Variants in STK3 observed in about 807,000 individuals in gnomAD.
STK3 encodes serine/threonine-protein kinase 3.
STK3 carries 41 observed loss-of-function variants against 58.0 expected under a neutral mutation model. The ratio of observed to expected loss-of-function variants is 0.71; its 90% CI spans 0.55 to 0.92. The LOEUF (loss-of-function observed/expected upper bound fraction) is 0.92. STK3 is among the 40% of genes least tolerant of loss of function. The pLI, the probability that STK3 is intolerant of heterozygous loss-of-function variation, is 0.00. For missense variants in STK3, 479 were observed against 602.7 expected, an observed-to-expected ratio of 0.79 and a Z score of 2.15; for synonymous variants, 170 against 191.0, an observed-to-expected ratio of 0.89 and a Z score of 0.91.
chr8:98,828,867 C>T (rs1472087298), upstream of STK3, among the ~76,000 whole-genome samples: 1 of 152,216 alleles, frequency 6.6e-6, no homozygotes, highest in Non-Finnish European at 1.5e-5. Context: ...GTCATCCCAA[C>T]CCAACTATGA....
rs1290368135 is a variant in STK3, at chr8:98,378,570, A to G, written n.111+583T>C. 1.1e-4 allele frequency among the ~76,000 whole-genome samples: 17 copies of G among 152,328 alleles called. No individual in the cohort carries two copies. In the East Asian group the frequency reaches 2.9e-3, roughly 26 times the overall value. ...GTATTTGGATTGTGAGTATATGAGG[A>G]ATGTGTGCAAAGCACTTAACATACT... On this transcript the variant is annotated intron_variant and non_coding_transcript_variant, in intron 2 of 2. Transcript: ENST00000518704.
intron 6 of STK3, among the ~76,000 whole-genome samples, chr8:98,602,674 C>T (rs1205266105): frequency 6.6e-6 from 1 of 152,146 alleles, no homozygotes; most frequent in Non-Finnish European, 1.5e-5. Flanking sequence ...ACTGAACATA[C>T]TGATTTACTT....
chr8:98,770,596 A>G (rs1831248041), intron 2 of STK3, among the ~76,000 whole-genome samples: 1 of 152,202 alleles, frequency 6.6e-6, no homozygotes, highest in Non-Finnish European at 1.5e-5. Context: ...CAAAGGAAGC[A>G]TATCAAAGGC....
intron 3 of STK3, among the ~76,000 whole-genome samples, chr8:98,856,968 C>T (rs754585668): frequency 6.6e-6 from 1 of 152,122 alleles, no homozygotes; most frequent in Non-Finnish European, 1.5e-5. Context: ...AGACTACATA[C>T]CATAGGATTC....
chr8:98,941,203 G>C (rs1217595641), intron 1 of STK3, among the ~76,000 whole-genome samples: 2 of 152,232 alleles, frequency 1.3e-5, no homozygotes, highest in Non-Finnish European at 2.9e-5. Flanking sequence ...CTGAGAGCAC[G>C]GGCGCTGACG....
chr8:98,693,271 G>A (rs1824551126), intron 6 of STK3, among the ~76,000 whole-genome samples: 1 of 152,076 alleles, frequency 6.6e-6, no homozygotes, highest in Non-Finnish European at 1.5e-5. Flanking sequence ...GGTAGCTTGT[G>A]CCTGTAGTCC....
intron 1 of STK3, among the ~76,000 whole-genome samples, chr8:98,798,363 A>G (rs756953275): frequency 1.4e-4 from 21 of 152,188 alleles, no homozygotes; most frequent in Non-Finnish European, 2.8e-4. Context: ...ACACAATATA[A>G]TGTACAGAGT....
intron 3 of STK3, chr8:98,432,264 A>T (rs1242956733): frequency 6.0e-6 from 1 of 167,030 alleles, no homozygotes; most frequent in Non-Finnish European, 1.5e-5. Flanking sequence ...AGGGGGACAG[A>T]GTAGAAACTG....
At chr8:98,408,157 TC>T (rs1447968019) in intron 3 of STK3, among the ~76,000 whole-genome samples, 2 of 152,090 alleles carry the variant, frequency 1.3e-5, no homozygotes, top group Non-Finnish European at 2.9e-5. Context: ...TTTAAGAACC[TC>T]AATTGGCCAT....
At chr8:98,457,697 T>C (rs1334833171) in intron 10 of STK3, among the ~76,000 whole-genome samples, 1 of 152,138 alleles carries the variant, frequency 6.6e-6, no homozygotes, top group Non-Finnish European at 1.5e-5. Flanking sequence ...TAAACGTAGA[T>C]AGATAAATAT....
chr8:98,481,548 G>A (rs1454496767), intron 10 of STK3, among the ~76,000 whole-genome samples: 1 of 152,082 alleles, frequency 6.6e-6, no homozygotes, highest in African/African-American at 2.4e-5. Flanking sequence ...CTACGGATAT[G>A]CAAAGGCATG....
intron 3 of STK3, among the ~76,000 whole-genome samples, chr8:98,861,702 C>A (rs1045491096): frequency 1.3e-5 from 2 of 152,126 alleles, no homozygotes; most frequent in Non-Finnish European, 2.9e-5. Context: ...AGAATGGCAG[C>A]ACCTTGGTAT....
intron 7 of STK3, among the ~76,000 whole-genome samples, chr8:98,588,868 C>T (rs939221115): frequency 2.0e-5 from 3 of 151,322 alleles, no homozygotes; most frequent in African/African-American, 7.3e-5. Context: ...TTGCTGATAC[C>T]CTTTCTTCCA....
chr8:98,400,817 C>T (rs1373593108), downstream of STK3, among the ~76,000 whole-genome samples: 2 of 152,076 alleles, frequency 1.3e-5, no homozygotes, highest in Non-Finnish European at 2.9e-5. Flanking sequence ...GATTGTAACT[C>T]AGATATCAGC....
At chr8:98,898,753 G>T (rs1357276560) in intron 1 of STK3, among the ~76,000 whole-genome samples, 1 of 152,132 alleles carries the variant, frequency 6.6e-6, no homozygotes, top group African/African-American at 2.4e-5. Flanking sequence ...GACTTTTTGG[G>T]ATCCAGAGAT....
rs1187068193 is a variant in STK3, at chr8:98,703,352, C to T, written c.684+3115G>A. Reference sequence around the variant, plus strand: ...ATAATCTTATCCATTTCATCCAATCCACCCAATGGAGGATAAAATATTTAT... The same window carrying T: ...ATAATCTTATCCATTTCATCCAATCTACCCAATGGAGGATAAAATATTTAT... On this transcript the variant is annotated intron_variant, in intron 6 of 10. Transcript: ENST00000419617. 1.3e-5 allele frequency among the ~76,000 whole-genome samples: 2 copies of T among 152,046 alleles called. 1 individual carries two copies. Among genetic ancestry groups the T allele is most frequent in the Non-Finnish European group, 2.9e-5 (2 of 68,020 alleles).
At chr8:98,578,059 A>G (rs910153200) in intron 8 of STK3, among the ~76,000 whole-genome samples, 23 of 152,224 alleles carry the variant, frequency 1.5e-4, no homozygotes, top group African/African-American at 5.1e-4. Context: ...CAAAATTACT[A>G]TAACAAAGTC....
At chr8:98,685,794 G>T (rs547959668) in intron 6 of STK3, among the ~76,000 whole-genome samples, 113 of 152,038 alleles carry the variant, frequency 7.4e-4, no homozygotes, top group Middle Eastern at 6.8e-3. Context: ...AAGGTAGAGA[G>T]GGGGGTGAGG....
chr8:98,638,812 G>T (rs533097241), intron 6 of STK3, among the ~76,000 whole-genome samples: 1 of 152,028 alleles, frequency 6.6e-6, no homozygotes, highest in South Asian at 2.1e-4. Flanking sequence ...GCACAGAGGG[G>T]GTGGTTTAAA....
Sources: gnomAD v4.1 joint callset for allele counts (sites outside exome capture counted in the v4.1 genomes callset) on GRCh38, gnomAD v4.1.1 for gene constraint, MANE v1.5 for transcripts, NCBI Gene and HGNC (gene_info 2026-07-23, HGNC 2026-07-21) for gene names.